DMRT1: variants seen among roughly 807,000 people sequenced by gnomAD.
DMRT1 encodes the protein doublesex and mab-3 related transcription factor 1.
In DMRT1, 7 loss-of-function variants were observed where a neutral mutation model predicts 32.3. The observed-to-expected ratio is 0.22, with a 90% CI of 0.12 to 0.41. The LOEUF is 0.41. Among genes scored for constraint, DMRT1 ranks in the 10% least tolerant of loss-of-function variants. DMRT1 has a pLI of 1.00. For synonymous variants in DMRT1, 278 were observed against 206.1 expected (o/e 1.35, Z -2.99); for missense variants, 625 against 500.5 (o/e 1.25, Z -2.37).
chr9:855,063 G>C (rs894448383), intron 2 of DMRT1, among the ~76,000 whole-genome samples: 1 of 151,734 alleles, frequency 6.6e-6, no homozygotes, highest in South Asian at 2.1e-4. Flanking sequence ...CACCATGCCC[G>C]GCCAGGGACT....
chr9:909,228 C>G (rs2129726893), intron 3 of DMRT1, among the ~76,000 whole-genome samples: 1 of 152,206 alleles, frequency 6.6e-6, no homozygotes, highest in Non-Finnish European at 1.5e-5. Context: ...TGGGAATCTG[C>G]TTGGGTCACA....
intron 4 of DMRT1, among the ~76,000 whole-genome samples, chr9:921,128 C>G (rs1818339437): frequency 6.6e-6 from 1 of 152,152 alleles, no homozygotes; most frequent in African/African-American, 2.4e-5. Context: ...GATTGCAAGG[C>G]ACTTTCATCA....
intron 3 of DMRT1, among the ~76,000 whole-genome samples, chr9:905,210 C>T (rs1010542778): frequency 6.6e-6 from 1 of 152,212 alleles, no homozygotes; most frequent in African/African-American, 2.4e-5. Context: ...CTCAGCACCC[C>T]CTCCTTGGTA....
intron 2 of DMRT1, among the ~76,000 whole-genome samples, chr9:851,172 T>C (rs1839134461): frequency 6.6e-6 from 1 of 152,198 alleles, no homozygotes; most frequent in Non-Finnish European, 1.5e-5. Flanking sequence ...GCTAACTTTC[T>C]ACTTTCTAAT....
intron 4 of DMRT1, among the ~76,000 whole-genome samples, chr9:931,982 G>A (rs1818740529): frequency 6.6e-6 from 1 of 152,088 alleles, no homozygotes; most frequent in Non-Finnish European, 1.5e-5. Context: ...GGTCTTTGCT[G>A]ATCACTTACC....
rs188741098 is a variant in DMRT1 at position 939,819 on chromosome 9, G to A, written c.967+22912G>A. On this transcript the variant is annotated intron_variant, in intron 4 of 4. Transcript: ENST00000382276. ...TATTTTTCCTCTCCCTCCTCTGTAT[G>A]TTGTAGAAATAGTCATTAATACCTA... Among the ~76,000 whole-genome samples, 483 of 152,280 alleles carry A rather than the reference G, an allele frequency of 3.2e-3. 12 individuals are homozygous for A. The highest frequency in any genetic ancestry group is 0.03 in the Admixed American group (453 of 15,294).
intron 2 of DMRT1, among the ~76,000 whole-genome samples, chr9:874,045 A>G (rs1399046268): frequency 6.6e-6 from 1 of 152,194 alleles, no homozygotes; most frequent in Non-Finnish European, 1.5e-5. Context: ...TTAAGATTAA[A>G]CGAGGAAACA....
At chr9:871,213 A>G (rs1001360819) in intron 2 of DMRT1, among the ~76,000 whole-genome samples, 2 of 138,534 alleles carry the variant, frequency 1.4e-5, no homozygotes, top group African/African-American at 5.5e-5. Context: ...TTTTTTGTAG[A>G]GACGGGGTTT....
At chr9:938,941 T>C (rs10491585) in intron 4 of DMRT1, among the ~76,000 whole-genome samples, 13,744 of 152,282 alleles carry the variant, frequency 0.09, 986 homozygotes, top group African/African-American at 0.2. Context: ...GACTCTTTAA[T>C]CTAAGGTAAT....
chr9:862,655 T>G (rs528761751), intron 2 of DMRT1, among the ~76,000 whole-genome samples: 1 of 152,136 alleles, frequency 6.6e-6, no homozygotes, highest in South Asian at 2.1e-4. Context: ...GAGAGCTGCT[T>G]AGGCTGGGGT....
At chr9:864,662 C>G (rs1056703008) in intron 2 of DMRT1, among the ~76,000 whole-genome samples, 20 of 151,806 alleles carry the variant, frequency 1.3e-4, no homozygotes, top group African/African-American at 4.8e-4. Flanking sequence ...CCACGCCTGG[C>G]TAATTTTTTT....
chr9:920,386 A>T (rs1018913929), intron 4 of DMRT1, among the ~76,000 whole-genome samples: 1 of 152,164 alleles, frequency 6.6e-6, no homozygotes, highest in African/African-American at 2.4e-5. Flanking sequence ...GGTGCCTTAG[A>T]AGCCAAATTA....
rs573785901 is a variant in DMRT1 at position 940,763 on chromosome 9, A to C, written c.967+23856A>C. On this transcript the variant is annotated intron_variant, in intron 4 of 4. Transcript: ENST00000382276. ...CAGAGTTAAGAGGCACAACCTTCAGAATGGGAGAAAATATTTGCAAATCAT... is the reference window on the plus strand; with the variant it reads ...CAGAGTTAAGAGGCACAACCTTCAGCATGGGAGAAAATATTTGCAAATCAT... Among the ~76,000 whole-genome samples the C allele has an allele frequency of 2.0e-5, 3 of 152,312 alleles. No individual in the cohort carries two copies. The South Asian group carries it at 6.2e-4, about 32-fold the overall frequency.
intron 4 of DMRT1, among the ~76,000 whole-genome samples, chr9:923,421 C>T (rs1043629948): frequency 2.0e-5 from 3 of 152,054 alleles, no homozygotes; most frequent in Non-Finnish European, 4.4e-5. Context: ...CTGAGAGCCT[C>T]GATTTCCTTA....
chr9:953,279 G>GA lies in DMRT1; in HGVS notation c.968-14696dup, dbSNP rs1013608141. ...TTTAATAAGCCTCCTTTATTATGGA[G>GA]AAAAAAAAAAGTCTGTGTATCTTTT... On this transcript the variant is annotated intron_variant, in intron 4 of 4. Coordinates refer to ENST00000382276, the MANE Select transcript of DMRT1 (RefSeq NM_021951.3). 5.4e-5 allele frequency among the ~76,000 whole-genome samples: 8 copies of GA among 148,420 alleles called. No homozygotes were observed. In the East Asian group the frequency reaches 7.8e-4, roughly 14 times the overall value.
At chr9:890,364 A>G (rs1227269662) in intron 2 of DMRT1, among the ~76,000 whole-genome samples, 1 of 152,228 alleles carries the variant, frequency 6.6e-6, no homozygotes, top group African/African-American at 2.4e-5. Flanking sequence ...GTCTCATCTC[A>G]TTAGCTGGGA....
intron 2 of DMRT1, among the ~76,000 whole-genome samples, chr9:863,634 G>T (rs985689811): frequency 3.9e-5 from 6 of 152,172 alleles, no homozygotes; most frequent in Admixed American, 1.3e-4. Flanking sequence ...AGAAAGAAAT[G>T]CAGCCCCACA....
In DMRT1 at chr9:906,849, C is replaced by T. The variant is rs150218956; in HGVS notation, c.823-9914C>T. On this transcript the variant is annotated intron_variant, in intron 3 of 4. Transcript: ENST00000382276. ...GTTTAGTAGAGAGAAATCTCAGAAG[C>T]GTCTGAGGTGATTTACTTTGAATCT... 4.6e-5 allele frequency among the ~76,000 whole-genome samples: 7 copies of T among 152,268 alleles called. No individual in the cohort carries two copies. In the South Asian group the frequency reaches 6.2e-4, roughly 14 times the overall value.
At chr9:944,975 G>T (rs138611658) in intron 4 of DMRT1, among the ~76,000 whole-genome samples, 2 of 151,896 alleles carry the variant, frequency 1.3e-5, no homozygotes, top group Non-Finnish European at 2.9e-5. Flanking sequence ...CTGGGGAATT[G>T]TCCAGACCTC....
Sources: allele counts gnomAD v4.1 joint callset (sites outside exome capture counted in the v4.1 genomes callset), GRCh38; gene constraint gnomAD v4.1.1; transcripts MANE v1.5; gene names NCBI Gene and HGNC (gene_info 2026-07-23, HGNC 2026-07-21).